Variants in ALCAM observed in about 807,000 individuals in gnomAD.
The protein encoded by ALCAM is CD166 antigen.
A neutral mutation model predicts 70.9 loss-of-function variants in ALCAM; 30 were observed. The ratio of observed to expected loss-of-function variants is 0.42; its 90% CI spans 0.32 to 0.57. The LOEUF is 0.57. ALCAM is among the 20% of genes least tolerant of loss of function. The pLI is 0.11. For synonymous variants in ALCAM, 249 were observed against 242.5 expected (o/e 1.03, Z -0.25); for missense variants, 591 against 695.1 (o/e 0.85, Z 1.68).
chr3:105,473,432 T>C (rs1212103856), intron 1 of ALCAM, among the ~76,000 whole-genome samples: 1 of 151,688 alleles, frequency 6.6e-6, no homozygotes, highest in Non-Finnish European at 1.5e-5. Flanking sequence ...CATGGTCTTT[T>C]ATTATAGTTA....
intron 1 of ALCAM, among the ~76,000 whole-genome samples, chr3:105,469,996 T>A (rs986865943): frequency 6.6e-6 from 1 of 150,484 alleles, no homozygotes; most frequent in African/African-American, 2.4e-5. Flanking sequence ...TTATCAATAT[T>A]AATAATACAA....
chr3:105,569,293 G>A (rs1010868849), intron 14 of ALCAM, among the ~76,000 whole-genome samples: 2 of 152,004 alleles, frequency 1.3e-5, no homozygotes, highest in African/African-American at 4.8e-5. Context: ...AGAGGACTGA[G>A]AGAAGACAAG....
At chr3:105,445,343 A>G (rs527459745) in intron 1 of ALCAM, among the ~76,000 whole-genome samples, 1 of 152,310 alleles carries the variant, frequency 6.6e-6, no homozygotes, top group South Asian at 2.1e-4. Flanking sequence ...ACACAAATAA[A>G]TGGAAAGATA....
chr3:105,525,184 C>G (rs1247020869), intron 3 of ALCAM: 2 of 984,404 alleles, frequency 2.0e-6, no homozygotes, highest in Non-Finnish European at 2.4e-6. Flanking sequence ...ACCCTGAATG[C>G]TTATGTGGGA....
At chr3:105,409,189 G>A (rs552071269) in intron 1 of ALCAM, among the ~76,000 whole-genome samples, 22 of 152,020 alleles carry the variant, frequency 1.4e-4, no homozygotes, top group African/African-American at 4.6e-4. Flanking sequence ...CAGCAATCCC[G>A]CCACTAGGTA....
At chr3:105,389,016 T>C (rs998491283) in intron 1 of ALCAM, among the ~76,000 whole-genome samples, 3 of 151,618 alleles carry the variant, frequency 2.0e-5, no homozygotes, top group Non-Finnish European at 4.4e-5. Context: ...AGTATTTATA[T>C]GAATTCTTTG....
At chr3:105,377,202 G>A (rs1198597110) in intron 1 of ALCAM, among the ~76,000 whole-genome samples, 1 of 152,040 alleles carries the variant, frequency 6.6e-6, no homozygotes, top group Admixed American at 6.6e-5. Flanking sequence ...GTGTGCATTG[G>A]ATTTTACTGT....
chr3:105,376,635 A>G (rs7640337), intron 1 of ALCAM, among the ~76,000 whole-genome samples: 15,052 of 152,236 alleles, frequency 0.099, 846 homozygotes, highest in South Asian at 0.16. Context: ...AATTAACTAT[A>G]TAACTATTTG....
At chr3:105,383,082 T>C (rs1935567799) in intron 1 of ALCAM, among the ~76,000 whole-genome samples, 1 of 151,826 alleles carries the variant, frequency 6.6e-6, no homozygotes, top group African/African-American at 2.4e-5. Context: ...CACCCTTTGC[T>C]TCACACCCTC....
chr3:105,470,015 A>C (rs1422662695), intron 1 of ALCAM, among the ~76,000 whole-genome samples: 2 of 150,272 alleles, frequency 1.3e-5, no homozygotes, highest in Non-Finnish European at 3.0e-5. Context: ...AATATTATGC[A>C]TGTATGTATG....
intron 1 of ALCAM, among the ~76,000 whole-genome samples, chr3:105,375,331 A>C (rs1042363993): frequency 2.6e-5 from 4 of 152,168 alleles, no homozygotes; most frequent in Non-Finnish European, 5.9e-5. Flanking sequence ...CTCCACAATA[A>C]TTTGTAACTT....
chr3:105,571,732 C>T (rs1940864911), intron 14 of ALCAM, 120 bp from the exon 15 acceptor site: 1 of 723,438 alleles, frequency 1.4e-6, no homozygotes, highest in Non-Finnish European at 2.2e-6. Context: ...AAATTTTTGC[C>T]TAGCGGTTTG....
chr3:105,399,547 T>C (rs1198115982), intron 1 of ALCAM, among the ~76,000 whole-genome samples: 1 of 152,164 alleles, frequency 6.6e-6, no homozygotes, highest in African/African-American at 2.4e-5. Flanking sequence ...CCTAGATTTA[T>C]TGTCTACAAT....
chr3:105,467,946 A>C (rs73185136), intron 1 of ALCAM, among the ~76,000 whole-genome samples: 28,134 of 151,062 alleles, frequency 0.19, 2,756 homozygotes, highest in East Asian at 0.37. Flanking sequence ...ACAACTGAAA[A>C]TGGGAATCAG....
chr3:105,483,849 AATTTTT>A (rs1213817945), intron 1 of ALCAM, among the ~76,000 whole-genome samples: 2 of 152,110 alleles, frequency 1.3e-5, no homozygotes, highest in African/African-American at 2.4e-5. Flanking sequence ...AATAATGAAC[AATTTTT>A]ATCAGATTTA....
At chr3:105,418,465 CT>C (rs1476983278) in intron 1 of ALCAM, among the ~76,000 whole-genome samples, 1 of 151,472 alleles carries the variant, frequency 6.6e-6, no homozygotes, top group African/African-American at 2.4e-5. Flanking sequence ...AGATGTGCCT[CT>C]TTCAATCAGT....
At chr3:105,516,040 GGAT>G (rs1939371060) in intron 1 of ALCAM, among the ~76,000 whole-genome samples, 1 of 151,806 alleles carries the variant, frequency 6.6e-6, no homozygotes, top group Admixed American at 6.6e-5. Flanking sequence ...CTTCTTTTAC[GGAT>G]GATGATGCTA....
intron 1 of ALCAM, among the ~76,000 whole-genome samples, chr3:105,506,296 T>A (rs1241592480): frequency 6.6e-6 from 1 of 152,052 alleles, no homozygotes; most frequent in East Asian, 1.9e-4. Context: ...CACAGAGAGG[T>A]AGAATTGTAG....
chr3:105,380,619 A>T (rs1477028265), intron 1 of ALCAM, among the ~76,000 whole-genome samples: 4 of 151,928 alleles, frequency 2.6e-5, no homozygotes, highest in Non-Finnish European at 5.9e-5. Flanking sequence ...AGGAAAAAAA[A>T]TTCAATGATG....
Sources: gnomAD v4.1 joint callset for allele counts (sites outside exome capture counted in the v4.1 genomes callset) on GRCh38, gnomAD v4.1.1 for gene constraint, MANE v1.5 for transcripts, NCBI Gene and HGNC (gene_info 2026-07-23, HGNC 2026-07-21) for gene names.